TENM1: variants seen among roughly 807,000 people sequenced by gnomAD.
The protein encoded by TENM1 is teneurin transmembrane protein 1, also known as teneurin-1.
TENM1 carries 35 observed loss-of-function variants against 174.8 expected under a neutral mutation model. That is an observed-to-expected ratio of 0.20 (90% CI 0.15 to 0.27). TENM1 has a LOEUF of 0.27. Among genes scored for constraint, TENM1 ranks in the 10% least tolerant of loss-of-function variants. The pLI is 1.00. For missense variants in TENM1, 1,633 were observed against 2,130.1 expected, an observed-to-expected ratio of 0.77 and a Z score of 4.59; for synonymous variants, 781 against 798.7, an observed-to-expected ratio of 0.98 and a Z score of 0.37.
chrX:124,816,964 G>A (rs985710326), intron 3 of TENM1, among the ~76,000 whole-genome samples: 11 of 109,923 alleles, frequency 1.0e-4, no homozygotes, highest in African/African-American at 3.6e-4. Flanking sequence ...AGGTATATAC[G>A]TGCCATGGTG....
rs752525148 is a variant in TENM1 at position 124,652,004 on chromosome X, T to C, written c.1489A>G (p.Ile497Val). 5.0e-6 allele frequency: 6 copies of C among 1,209,980 alleles called. No individual in the cohort carries two copies. In the African/African-American group the frequency reaches 1.0e-4, roughly 21 times the overall value. The change falls in exon 8 of 32, where the codon ATA becomes GTA. Residue 497 changes from isoleucine (I) to valine (V), a missense_variant. Coordinates refer to ENST00000422452, the Ensembl canonical transcript of TENM1. ...CAAGGTCCTTGATCCATATACTCTA[T>C]GAAACCTGTCTCCTGAAGCGAAGTT...
chrX:124,577,885 T>G (rs1020210253), intron 11 of TENM1, among the ~76,000 whole-genome samples: 1 of 111,496 alleles, frequency 9.0e-6, no homozygotes, highest in African/African-American at 3.3e-5. Flanking sequence ...ATAACCTACA[T>G]TTTAATCTCG....
At chrX:124,988,452 G>C in the TENM1 span, among the ~76,000 whole-genome samples, 1 of 111,753 alleles carries the variant, frequency 8.9e-6, no homozygotes, top group Non-Finnish European at 1.9e-5. Flanking sequence ...GGGAACTTTT[G>C]AACTAGAGAA....
chrX:124,427,901 C>T (rs896149212), intron 23 of TENM1, among the ~76,000 whole-genome samples: 1 of 109,286 alleles, frequency 9.2e-6, no homozygotes, highest in African/African-American at 3.3e-5. Context: ...CCAATTGCTG[C>T]TACCATTTGT....
the TENM1 span, among the ~76,000 whole-genome samples, chrX:125,137,542 C>T: frequency 9.1e-6 from 1 of 110,222 alleles, no homozygotes; most frequent in South Asian, 3.9e-4. Context: ...GAGATCGACA[C>T]ACTGCATGAG....
At chrX:124,652,164 T>C (rs1166835495) in intron 7 of TENM1, 40 bp from the exon 11 acceptor site, 1 of 1,181,682 alleles carries the variant, frequency 8.5e-7, no homozygotes, top group Non-Finnish European at 1.1e-6. Context: ...CACTACTTTT[T>C]CTTCTAGACT....
intron 23 of TENM1, among the ~76,000 whole-genome samples, chrX:124,438,009 C>T (rs752223804): frequency 8.9e-6 from 1 of 112,215 alleles, no homozygotes; most frequent in East Asian, 2.8e-4. Flanking sequence ...TTTCCCCTCT[C>T]ATAATTAATA....
At chrX:124,586,210 C>T (rs983788966) in intron 11 of TENM1, among the ~76,000 whole-genome samples, 6 of 110,912 alleles carry the variant, frequency 5.4e-5, no homozygotes, top group Admixed American at 9.6e-5. Flanking sequence ...ATCCTGATAC[C>T]AAAGCCGGGC....
At chrX:124,690,335 G>C (rs2052483988) in intron 5 of TENM1, among the ~76,000 whole-genome samples, 1 of 111,207 alleles carries the variant, frequency 9.0e-6, no homozygotes, top group African/African-American at 3.3e-5. Flanking sequence ...AGGAGATTTT[G>C]GTAGGAAATG....
At chrX:124,936,941 G>A (rs2058253691) in intron 1 of TENM1, among the ~76,000 whole-genome samples, 1 of 110,178 alleles carries the variant, frequency 9.1e-6, no homozygotes, top group Non-Finnish European at 1.9e-5. Flanking sequence ...AGCTACTTGG[G>A]AGGCTGAGGA....
the TENM1 span, among the ~76,000 whole-genome samples, chrX:124,997,710 C>T: frequency 2.7e-5 from 3 of 110,673 alleles, no homozygotes; most frequent in African/African-American, 9.9e-5. Flanking sequence ...TCTCTCATTC[C>T]CTGGTACATT....
rs111229386 is a variant in TENM1, at chrX:124,925,578, T to C, written c.218-29337A>G. On this transcript the variant is annotated intron_variant, in intron 1 of 31. Coordinates refer to ENST00000422452, the Ensembl canonical transcript of TENM1. ...AAAATAGAAAAAGTAAAGAAATTAA[T>C]GTGCAATTTTGGCTATTGTTTGCAT... Among the ~76,000 whole-genome samples the C allele has an allele frequency of 1.8e-3, 205 of 112,349 alleles. 1 individual carries two copies. The highest frequency in any genetic ancestry group is 6.3e-3 in the African/African-American group (195 of 30,995).
chrX:124,481,195 A>T (rs1003420764), intron 22 of TENM1, among the ~76,000 whole-genome samples: 1 of 112,472 alleles, frequency 8.9e-6, no homozygotes, highest in African/African-American at 3.2e-5. Context: ...TAGATAAATT[A>T]ATGGAAGAAA....
At chrX:124,670,315 A>G (rs113728326) in intron 6 of TENM1, among the ~76,000 whole-genome samples, 1,465 of 111,839 alleles carry the variant, frequency 0.013, 19 homozygotes, top group African/African-American at 0.045. Context: ...CCCTAGGCAG[A>G]TAATACCAAA....
At chrX:124,947,614 C>G (rs1451161080) in intron 1 of TENM1, among the ~76,000 whole-genome samples, 1 of 111,949 alleles carries the variant, frequency 8.9e-6, no homozygotes, top group Non-Finnish European at 1.9e-5. Flanking sequence ...TGGGTAAGCA[C>G]GAGGATTTAC....
the TENM1 span, among the ~76,000 whole-genome samples, chrX:125,008,109 C>T: frequency 1.8e-5 from 2 of 110,602 alleles, no homozygotes; most frequent in South Asian, 7.7e-4. Flanking sequence ...GAGTCAAGAC[C>T]CATTGGTGTG....
chrX:124,593,150 G>A (rs2049802758), intron 11 of TENM1, among the ~76,000 whole-genome samples: 1 of 111,688 alleles, frequency 9.0e-6, no homozygotes, highest in South Asian at 3.8e-4. Flanking sequence ...AAGCACCAGT[G>A]CCAAGTGATA....
At chrX:124,761,450 A>G (rs1032484750) in intron 3 of TENM1, among the ~76,000 whole-genome samples, 25 of 104,883 alleles carry the variant, frequency 2.4e-4, no homozygotes, top group African/African-American at 8.4e-4. Context: ...AGGGCAGAAA[A>G]TCAAACACTG....
At chrX:124,707,129 G>A (rs966254278) in intron 4 of TENM1, among the ~76,000 whole-genome samples, 42 of 109,481 alleles carry the variant, frequency 3.8e-4, no homozygotes, top group African/African-American at 1.3e-3. Flanking sequence ...CCTCAGCCTC[G>A]CAAGTAGCTG....
Sources: allele counts gnomAD v4.1 joint callset (sites outside exome capture counted in the v4.1 genomes callset), GRCh38; gene constraint gnomAD v4.1.1; transcripts MANE v1.5; gene names NCBI Gene and HGNC (gene_info 2026-07-23, HGNC 2026-07-21).